AFG2A: variants seen among roughly 807,000 people sequenced by gnomAD.
The protein encoded by AFG2A is ATPase family gene 2 protein homolog A.
the AFG2A span, among the ~76,000 whole-genome samples, chr4:122,959,249 C>T: frequency 2.0e-5 from 3 of 152,128 alleles, no homozygotes; most frequent in African/African-American, 4.8e-5. Context: ...AGTGTTGTTG[C>T]GTTTCCTCCC....
chr4:122,948,468 A>T, the AFG2A span, among the ~76,000 whole-genome samples: 1 of 151,172 alleles, frequency 6.6e-6, no homozygotes, highest in African/African-American at 2.4e-5. Context: ...GGCGGTATTG[A>T]TGATGACAAT....
the AFG2A span, among the ~76,000 whole-genome samples, chr4:123,295,883 T>C: frequency 6.6e-6 from 1 of 152,176 alleles, no homozygotes; most frequent in Non-Finnish European, 1.5e-5. Flanking sequence ...CCTCACCAGC[T>C]GAGCACGATC....
At chr4:123,258,503 A>G in the AFG2A span, among the ~76,000 whole-genome samples, 1 of 152,184 alleles carries the variant, frequency 6.6e-6, no homozygotes, top group Non-Finnish European at 1.5e-5. Flanking sequence ...TAGGAAAAAT[A>G]GACTTCAGTT....
chr4:123,061,915 G>T, the AFG2A span, among the ~76,000 whole-genome samples: 1 of 152,200 alleles, frequency 6.6e-6, no homozygotes, highest in Non-Finnish European at 1.5e-5. Flanking sequence ...CCCTAAAAAG[G>T]AACAGGTGGG....
At chr4:123,075,918 T>C in the AFG2A span, among the ~76,000 whole-genome samples, 791 of 149,928 alleles carry the variant, frequency 5.3e-3, 7 homozygotes, top group African/African-American at 0.018. Flanking sequence ...GATCATGCCA[T>C]TGCACTCCAG....
chr4:122,996,664 GGAC>G, the AFG2A span, among the ~76,000 whole-genome samples: 1 of 152,156 alleles, frequency 6.6e-6, no homozygotes, highest in African/African-American at 2.4e-5. Flanking sequence ...ACACAATTAT[GGAC>G]GCTGAGAAGT....
chr4:122,938,559 G>C, the AFG2A span, among the ~76,000 whole-genome samples: 1 of 152,104 alleles, frequency 6.6e-6, no homozygotes, highest in Non-Finnish European at 1.5e-5. Context: ...AGATTTAGCA[G>C]TTAAATTTTA....
At chr4:123,093,191 C>T in the AFG2A span, among the ~76,000 whole-genome samples, 1 of 152,162 alleles carries the variant, frequency 6.6e-6, no homozygotes, top group Non-Finnish European at 1.5e-5. Context: ...TGTTAGACAG[C>T]AATCTTTTAT....
the AFG2A span, among the ~76,000 whole-genome samples, chr4:123,205,712 A>G: frequency 6.6e-6 from 1 of 152,148 alleles, no homozygotes; most frequent in African/African-American, 2.4e-5. Flanking sequence ...AATCCTCTGC[A>G]GATACCAAGA....
At chr4:122,945,130 C>G in the AFG2A span, among the ~76,000 whole-genome samples, 1 of 152,210 alleles carries the variant, frequency 6.6e-6, no homozygotes, top group Non-Finnish European at 1.5e-5. Flanking sequence ...TCTCAGATCT[C>G]CAGCTGCGTG....
the AFG2A span, chr4:123,090,458 C>T: frequency 8.7e-7 from 1 of 1,145,212 alleles, no homozygotes; most frequent in Non-Finnish European, 1.2e-6. Flanking sequence ...CAAATGCATA[C>T]TTCATATTTG....
chr4:123,131,513 C>G, the AFG2A span, among the ~76,000 whole-genome samples: 5,571 of 152,150 alleles, frequency 0.037, 335 homozygotes, highest in African/African-American at 0.13. Flanking sequence ...CCTCCTCCCC[C>G]CAGTCCCTTT....
chr4:122,935,626 A>C, the AFG2A span: 1 of 1,425,098 alleles, frequency 7.0e-7, no homozygotes, highest in Admixed American at 2.5e-5. Flanking sequence ...GTAAAGTTAA[A>C]TTTTATAACT....
At chr4:123,260,469 C>T in the AFG2A span, among the ~76,000 whole-genome samples, 1 of 152,168 alleles carries the variant, frequency 6.6e-6, no homozygotes, top group Non-Finnish European at 1.5e-5. Flanking sequence ...ATTCACTATG[C>T]TTGAGCTATT....
the AFG2A span, among the ~76,000 whole-genome samples, chr4:122,995,173 T>C: frequency 6.6e-6 from 1 of 152,170 alleles, no homozygotes; most frequent in Non-Finnish European, 1.5e-5. Flanking sequence ...ATATTTTATT[T>C]TTTTACAGGC....
the AFG2A span, among the ~76,000 whole-genome samples, chr4:122,983,670 C>A: frequency 6.6e-6 from 1 of 151,980 alleles, no homozygotes; most frequent in African/African-American, 2.4e-5. Context: ...AGAAAAGATA[C>A]GTGATATGAT....
the AFG2A span, chr4:123,057,379 CT>C: frequency 2.2e-6 from 3 of 1,346,982 alleles, no homozygotes; most frequent in East Asian, 2.4e-5. Context: ...TTGTATACAA[CT>C]TTTATCTATT....
chr4:122,923,332 A>G, the AFG2A span: 1 of 1,612,814 alleles, frequency 6.2e-7, no homozygotes, highest in Non-Finnish European at 8.5e-7. Context: ...GGGAGACTAG[A>G]GGCCGAGGGG....
the AFG2A span, among the ~76,000 whole-genome samples, chr4:123,115,690 A>T: frequency 6.6e-6 from 1 of 151,942 alleles, no homozygotes; most frequent in Admixed American, 6.6e-5. Context: ...CCACCTGAGG[A>T]TCCACAGCCT....
Sources: gnomAD v4.1 joint callset for allele counts (sites outside exome capture counted in the v4.1 genomes callset) on GRCh38, gnomAD v4.1.1 for gene constraint, MANE v1.5 for transcripts, NCBI Gene and HGNC (gene_info 2026-07-23, HGNC 2026-07-21) for gene names.